Variants in PIBF1 observed in about 807,000 individuals in gnomAD.
PIBF1 encodes the protein progesterone immunomodulatory binding factor 1, also known as progesterone-induced-blocking factor 1.
PIBF1 carries 90 observed loss-of-function variants against 112.5 expected under a neutral mutation model. The ratio of observed to expected loss-of-function variants is 0.80; its 90% CI spans 0.67 to 0.95. The LOEUF is 0.95. Among genes scored for constraint, PIBF1 ranks in the 40% least tolerant of loss-of-function variants. The pLI is 0.00. For missense variants in PIBF1, 915 were observed against 852.3 expected (o/e 1.07, Z -0.92); for synonymous variants, 301 against 288.6 (o/e 1.04, Z -0.44).
chr13:72,928,024 T>TAG (rs1448630819), intron 13 of PIBF1, among the ~76,000 whole-genome samples: 1 of 69,374 alleles, frequency 1.4e-5, no homozygotes, highest in African/African-American at 5.0e-5. Context: ...TACATATATA[T>TAG]ACATATATAT....
intron 3 of PIBF1, among the ~76,000 whole-genome samples, chr13:72,794,595 A>G (rs2035097123): frequency 6.6e-6 from 1 of 152,168 alleles, no homozygotes; most frequent in South Asian, 2.1e-4. Context: ...TGCTGTTCTC[A>G]TGATAGTGAA....
chr13:72,931,118 G>T, intron 13 of PIBF1, 47 bp from the exon 14 acceptor site: 3 of 1,068,792 alleles, frequency 2.8e-6, no homozygotes, highest in South Asian at 1.3e-5. Context: ...AATATTTTGG[G>T]CAGTATTTCA....
chr13:72,955,391 G>GTA (rs1363075458), intron 14 of PIBF1, among the ~76,000 whole-genome samples: 1 of 152,010 alleles, frequency 6.6e-6, no homozygotes, highest in Admixed American at 6.6e-5. Context: ...GTGTGTGTGT[G>GTA]TGTGTGTGTA....
At chr13:72,798,869 G>A (rs888357121) in intron 5 of PIBF1, among the ~76,000 whole-genome samples, 1 of 152,336 alleles carries the variant, frequency 6.6e-6, no homozygotes, top group Non-Finnish European at 1.5e-5. Context: ...TTCGTGATAT[G>A]AGATGGAGCT....
chr13:72,792,034 G>C (rs1449000764), intron 2 of PIBF1, among the ~76,000 whole-genome samples: 1 of 151,992 alleles, frequency 6.6e-6, no homozygotes, highest in Non-Finnish European at 1.5e-5. Context: ...GGTGGCTCAT[G>C]CCTGTAATCC....
intron 16 of PIBF1, among the ~76,000 whole-genome samples, chr13:72,993,414 C>G (rs953536138): frequency 1.2e-4 from 18 of 152,026 alleles, no homozygotes; most frequent in Non-Finnish European, 2.1e-4. Context: ...ATAAGTAAAA[C>G]TGCCAATAGA....
intron 16 of PIBF1, among the ~76,000 whole-genome samples, chr13:72,983,377 C>T (rs1221336570): frequency 6.6e-6 from 1 of 152,196 alleles, no homozygotes; most frequent in Non-Finnish European, 1.5e-5. Context: ...AATAACACTT[C>T]TCAGGGCCCA....
At chr13:72,809,073 G>T (rs1189850308) in intron 5 of PIBF1, among the ~76,000 whole-genome samples, 1 of 149,216 alleles carries the variant, frequency 6.7e-6, no homozygotes, top group East Asian at 1.9e-4. Context: ...TTACTTTATG[G>T]ATCTTTCTTA....
intron 16 of PIBF1, among the ~76,000 whole-genome samples, chr13:72,980,661 G>T (rs2043134181): frequency 6.6e-6 from 1 of 151,904 alleles, no homozygotes; most frequent in African/African-American, 2.4e-5. Context: ...CAGGCCTGGG[G>T]GCATGCACCT....
At chr13:72,964,552 ATTT>A (rs1029646561) in intron 14 of PIBF1, among the ~76,000 whole-genome samples, 1 of 152,224 alleles carries the variant, frequency 6.6e-6, no homozygotes, top group Non-Finnish European at 1.5e-5. Flanking sequence ...TAAATTATGT[ATTT>A]TTAAAACAAG....
intron 16 of PIBF1, among the ~76,000 whole-genome samples, chr13:72,989,477 C>CA (rs1307850869): frequency 6.6e-6 from 1 of 151,956 alleles, no homozygotes; most frequent in Non-Finnish European, 1.5e-5. Flanking sequence ...AAGCCAGTCA[C>CA]AAAAAAAGCA....
chr13:72,955,962 A>G (rs572983490), intron 14 of PIBF1, among the ~76,000 whole-genome samples: 1 of 152,354 alleles, frequency 6.6e-6, no homozygotes, highest in Admixed American at 6.5e-5. Context: ...GGCCAAATTT[A>G]TACAGCAGGC....
At chr13:72,928,016 C>CATATATACATATAT (rs2041573050) in intron 13 of PIBF1, among the ~76,000 whole-genome samples, 1 of 53,996 alleles carries the variant, frequency 1.9e-5, no homozygotes, top group African/African-American at 6.4e-5. Flanking sequence ...CATATATATA[C>CATATATACATATAT]ATATATATAC....
intron 17 of PIBF1, among the ~76,000 whole-genome samples, chr13:73,000,754 A>T: frequency 6.6e-6 from 1 of 152,254 alleles, no homozygotes; most frequent in Admixed American, 6.5e-5. Context: ...CTGCATTTCT[A>T]GCTTTAGCTT....
rs143977711 is a variant in PIBF1, at chr13:72,839,847, G to A, written c.1223+4479G>A. Among the ~76,000 whole-genome samples, 191 of 152,262 alleles carry A rather than the reference G, an allele frequency of 1.3e-3. 1 individual carries two copies. Among genetic ancestry groups the A allele is most frequent in the African/African-American group, 4.5e-3 (188 of 41,550 alleles). ...CCAACAGAGCCGTTTCTGGAAGTAGGAAAACTGAAAGCAGATGTCCTTGTC... is the reference window on the plus strand; with the variant it reads ...CCAACAGAGCCGTTTCTGGAAGTAGAAAAACTGAAAGCAGATGTCCTTGTC... On this transcript the variant is annotated intron_variant, in intron 9 of 17. Transcript: ENST00000326291.
At chr13:72,970,164 A>C (rs891564196) in intron 15 of PIBF1, among the ~76,000 whole-genome samples, 1 of 151,884 alleles carries the variant, frequency 6.6e-6, no homozygotes, top group African/African-American at 2.4e-5. Flanking sequence ...AATATATTCA[A>C]TTTCTAGAAA....
chr13:72,982,584 T>C (rs2043182056), intron 16 of PIBF1, among the ~76,000 whole-genome samples: 1 of 152,216 alleles, frequency 6.6e-6, no homozygotes, highest in African/African-American at 2.4e-5. Context: ...TAATTAAGCA[T>C]CTGTCTTACC....
chr13:72,965,328 A>T lies in PIBF1; in HGVS notation c.1888A>T (p.Ile630Phe). 6.4e-7 allele frequency: 1 copy of T among 1,555,322 alleles called. No individual in the cohort carries two copies. Among genetic ancestry groups the T allele is most frequent in the South Asian group, 1.1e-5 (1 of 89,928 alleles). ...GACTCAACAGCCTTACAGGTATCTCATTGAATCAGTGCGTCAGAGAGATTC... is the reference window on the plus strand; with the variant it reads ...GACTCAACAGCCTTACAGGTATCTCTTTGAATCAGTGCGTCAGAGAGATTC... The part of the protein sequence containing the change: ...NQTQQPYRYL[I>F]ESVRQRDSKI... The change falls in exon 15 of 18, where the codon ATT becomes TTT. Residue 630 changes from isoleucine (I) to phenylalanine (F), a missense_variant. Physicochemically the swap from Ile to Phe is conservative, Grantham distance 21 (BLOSUM62 0). Coordinates refer to ENST00000326291, the MANE Select transcript of PIBF1 (RefSeq NM_006346.4).
intron 10 of PIBF1, among the ~76,000 whole-genome samples, chr13:72,889,709 GCTT>G (rs2039984789): frequency 6.6e-6 from 1 of 152,090 alleles, no homozygotes; most frequent in African/African-American, 2.4e-5. Flanking sequence ...ACAGATAAAT[GCTT>G]TGCCTCAGCT....
Sources: gnomAD v4.1 joint callset for allele counts (sites outside exome capture counted in the v4.1 genomes callset) on GRCh38, gnomAD v4.1.1 for gene constraint, MANE v1.5 for transcripts, NCBI Gene and HGNC (gene_info 2026-07-23, HGNC 2026-07-21) for gene names.